COL8A1: variants seen among roughly 807,000 people sequenced by gnomAD.
COL8A1 encodes the protein collagen type VIII alpha 1 chain.
In COL8A1, 21 loss-of-function variants were observed where a neutral mutation model predicts 42.7. That is an observed-to-expected ratio of 0.49 (90% CI 0.35 to 0.71). The LOEUF is 0.71. Among genes scored for constraint, COL8A1 ranks in the 30% least tolerant of loss-of-function variants. The probability of loss-of-function intolerance (pLI) is 0.01; values close to 1 mark genes in which losing one functional copy is unlikely to be tolerated. For missense variants in COL8A1, 788 were observed against 962.4 expected, an observed-to-expected ratio of 0.82 and a Z score of 2.40; for synonymous variants, 367 against 369.1, an observed-to-expected ratio of 0.99 and a Z score of 0.06.
intron 1 of COL8A1, among the ~76,000 whole-genome samples, chr3:99,720,297 G>T (rs1016698315): frequency 3.9e-5 from 6 of 152,028 alleles, no homozygotes; most frequent in African/African-American, 1.4e-4. Context: ...CCCAGCCTCA[G>T]AACATTTTAT....
intron 1 of COL8A1, among the ~76,000 whole-genome samples, chr3:99,650,475 C>A (rs1937808743): frequency 6.6e-6 from 1 of 151,946 alleles, no homozygotes; most frequent in Non-Finnish European, 1.5e-5. Context: ...CACTCTGTAG[C>A]CCAAGCTGGA....
At chr3:99,727,797 T>A (rs1940381195) in intron 1 of COL8A1, among the ~76,000 whole-genome samples, 1 of 151,894 alleles carries the variant, frequency 6.6e-6, no homozygotes, top group Non-Finnish European at 1.5e-5. Context: ...TCCACCATGA[T>A]CAAATGGGCT....
At chr3:99,652,826 T>C (rs1200917505) in intron 1 of COL8A1, among the ~76,000 whole-genome samples, 1 of 152,226 alleles carries the variant, frequency 6.6e-6, no homozygotes. Context: ...TTTTAAATGA[T>C]AGTTTTAAAT....
At chr3:99,711,183 A>G (rs1939824140) in intron 1 of COL8A1, among the ~76,000 whole-genome samples, 1 of 152,148 alleles carries the variant, frequency 6.6e-6, no homozygotes, top group Non-Finnish European at 1.5e-5. Flanking sequence ...TACCTCACAT[A>G]TGAAATCACT....
At chr3:99,666,773 G>A (rs1938379858) in intron 1 of COL8A1, among the ~76,000 whole-genome samples, 2 of 152,106 alleles carry the variant, frequency 1.3e-5, no homozygotes, top group African/African-American at 4.8e-5. Context: ...AAATGCTATA[G>A]GAACTAAGTA....
At chr3:99,710,392 G>A (rs1939801136) in intron 1 of COL8A1, among the ~76,000 whole-genome samples, 1 of 152,040 alleles carries the variant, frequency 6.6e-6, no homozygotes, top group Non-Finnish European at 1.5e-5. Flanking sequence ...AGCACCAATA[G>A]GAGGATTTAA....
chr3:99,664,789 A>G (rs1015585611), intron 1 of COL8A1, among the ~76,000 whole-genome samples: 2 of 152,224 alleles, frequency 1.3e-5, no homozygotes, highest in Admixed American at 1.3e-4. Context: ...ATTGCATAGT[A>G]TCAACTGGCT....
chr3:99,795,765 C>T lies in COL8A1; in HGVS notation c.1864C>T (p.Leu622=), dbSNP rs1249671153. ...TGAGATGCCTGCATTTACCGCCGAG[C>T]TAACCGCACCTTTCCCACCGGTGGG... The part of the protein sequence containing the change: ...AYEMPAFTAE[L]TAPFPPVGAP... The change falls in exon 4 of 4, where the codon CTA becomes TTA. Residue 622 remains leucine (L), a synonymous_variant. Transcript: ENST00000652472. The T allele has an allele frequency of 6.2e-7, 1 of 1,614,104 alleles. No homozygotes were observed. The highest frequency in any genetic ancestry group is 8.5e-7 in the Non-Finnish European group (1 of 1,179,998).
At chr3:99,645,052 G>A (rs1005952195) in intron 1 of COL8A1, among the ~76,000 whole-genome samples, 6 of 152,176 alleles carry the variant, frequency 3.9e-5, no homozygotes, top group East Asian at 1.9e-4. Flanking sequence ...ACAGCTGACC[G>A]AAGAGCACTG....
intron 1 of COL8A1, among the ~76,000 whole-genome samples, chr3:99,721,552 G>C (rs1940156540): frequency 6.6e-6 from 1 of 151,876 alleles, no homozygotes; most frequent in Non-Finnish European, 1.5e-5. Context: ...GGAGGCCAAA[G>C]GAAACGGCTG....
intron 2 of COL8A1, among the ~76,000 whole-genome samples, chr3:99,769,400 G>C (rs1157138879): frequency 6.6e-6 from 1 of 152,212 alleles, no homozygotes; most frequent in African/African-American, 2.4e-5. Context: ...CAGACATTCT[G>C]CTATCTGCCT....
chr3:99,656,634 G>T (rs967933531), intron 1 of COL8A1, among the ~76,000 whole-genome samples: 1 of 152,174 alleles, frequency 6.6e-6, no homozygotes, highest in Non-Finnish European at 1.5e-5. Context: ...TCAAGGAAAA[G>T]ATGCAAAGGC....
intron 3 of COL8A1, 98 bp downstream of exon 3, chr3:99,791,108 T>C: frequency 1.8e-6 from 2 of 1,137,072 alleles, no homozygotes; most frequent in Non-Finnish European, 1.2e-6. Flanking sequence ...GCTTTAGTTT[T>C]AGAATTTGTT....
At chr3:99,711,754 G>A (rs1339648079) in intron 1 of COL8A1, among the ~76,000 whole-genome samples, 2 of 152,160 alleles carry the variant, frequency 1.3e-5, no homozygotes, top group Non-Finnish European at 2.9e-5. Context: ...AGTAGAGAGA[G>A]AGTATATGGG....
In COL8A1 at chr3:99,667,404, C is replaced by T. The variant is rs561204700; in HGVS notation, c.-129+28740C>T. Reference sequence around the variant, plus strand: ...ATTTATCTTCTTTGACCTTAGGACTCAAAAATACTCTACTTAAACAAGTGG... The same window carrying T: ...ATTTATCTTCTTTGACCTTAGGACTTAAAAATACTCTACTTAAACAAGTGG... On this transcript the variant is annotated intron_variant, in intron 1 of 3. Coordinates refer to ENST00000652472, the MANE Select transcript of COL8A1 (RefSeq NM_020351.4). 1.1e-4 allele frequency among the ~76,000 whole-genome samples: 16 copies of T among 152,242 alleles called. No individual in the cohort carries two copies. In the East Asian group the frequency reaches 1.7e-3, roughly 17 times the overall value.
At chr3:99,744,528 A>G (rs1216222881) in intron 1 of COL8A1, among the ~76,000 whole-genome samples, 4 of 152,234 alleles carry the variant, frequency 2.6e-5, no homozygotes, top group Non-Finnish European at 4.4e-5. Flanking sequence ...CAGGAAATGT[A>G]TTGTTTAAAA....
At chr3:99,729,343 A>G (rs1482735080) in intron 1 of COL8A1, among the ~76,000 whole-genome samples, 1 of 152,064 alleles carries the variant, frequency 6.6e-6, no homozygotes, top group African/African-American at 2.4e-5. Flanking sequence ...CAAAGATTTC[A>G]TACAAACTTC....
chr3:99,701,806 A>C (rs549470584), intron 1 of COL8A1, among the ~76,000 whole-genome samples: 8 of 152,324 alleles, frequency 5.3e-5, no homozygotes, highest in Admixed American at 3.3e-4. Context: ...TTAATTGGAG[A>C]CAGGGCCAGG....
At chr3:99,666,007 A>G (rs1938359151) in intron 1 of COL8A1, among the ~76,000 whole-genome samples, 2 of 152,084 alleles carry the variant, frequency 1.3e-5, no homozygotes, top group South Asian at 2.1e-4. Flanking sequence ...AATTATTGAT[A>G]GAGCAGTAGG....
Sources: gnomAD v4.1 joint callset for allele counts (sites outside exome capture counted in the v4.1 genomes callset) on GRCh38, gnomAD v4.1.1 for gene constraint, MANE v1.5 for transcripts, NCBI Gene and HGNC (gene_info 2026-07-23, HGNC 2026-07-21) for gene names.